Variants in RAI1 observed in about 807,000 individuals in gnomAD.
The protein encoded by RAI1 is retinoic acid-induced protein 1.
A neutral mutation model predicts 123.8 loss-of-function variants in RAI1; 9 were observed. That is an observed-to-expected ratio of 0.07 (90% CI 0.04 to 0.13). RAI1 has a LOEUF of 0.13. Among genes scored for constraint, RAI1 ranks in the 10% least tolerant of loss-of-function variants. The pLI, the probability that RAI1 is intolerant of heterozygous loss-of-function variation, is 1.00. For synonymous variants in RAI1, 1,231 were observed against 1,127.3 expected (o/e 1.09, Z -1.84); for missense variants, 2,256 against 2,545.8 (o/e 0.89, Z 2.45).
intron 4 of RAI1, among the ~76,000 whole-genome samples, chr17:17,808,075 A>C (rs1265363417): frequency 6.6e-6 from 1 of 152,154 alleles, no homozygotes; most frequent in Admixed American, 6.5e-5. Context: ...TGTTGGAGAG[A>C]GCACCAGCCT....
chr17:17,683,011 C>T (rs948431560), intron 1 of RAI1, among the ~76,000 whole-genome samples: 4 of 152,150 alleles, frequency 2.6e-5, no homozygotes, highest in Non-Finnish European at 4.4e-5. Context: ...GCGGTTTCGG[C>T]GGGCCCGGAT....
At chr17:17,746,130 G>A (rs1413084663) in intron 2 of RAI1, among the ~76,000 whole-genome samples, 1 of 152,212 alleles carries the variant, frequency 6.6e-6, no homozygotes, top group East Asian at 1.9e-4. Context: ...AACGGCAGCC[G>A]GCGGGGCCTT....
intron 4 of RAI1, among the ~76,000 whole-genome samples, chr17:17,807,901 G>A (rs187188339): frequency 2.9e-4 from 44 of 152,320 alleles, no homozygotes; most frequent in Middle Eastern, 3.4e-3. Flanking sequence ...TTCCAGGTCC[G>A]TGGCACTCCA....
At chr17:17,806,445 G>C (rs61066675) in intron 4 of RAI1, among the ~76,000 whole-genome samples, 3,505 of 152,320 alleles carry the variant, frequency 0.023, 150 homozygotes, top group African/African-American at 0.08. Flanking sequence ...CATGGGACTT[G>C]ATGATGAGGG....
chr17:17,686,166 A>G (rs779737694), intron 1 of RAI1, among the ~76,000 whole-genome samples: 3 of 152,238 alleles, frequency 2.0e-5, no homozygotes, highest in Non-Finnish European at 4.4e-5. Context: ...ACGCTCAGAA[A>G]TGCTTCCTGG....
chr17:17,688,595 T>C (rs1452701517), intron 1 of RAI1, among the ~76,000 whole-genome samples: 1 of 152,040 alleles, frequency 6.6e-6, no homozygotes. Flanking sequence ...TTGTTTTTTG[T>C]TTTGTTTGTT....
At chr17:17,785,901 A>G (rs1034699624) in intron 2 of RAI1, among the ~76,000 whole-genome samples, 1 of 152,204 alleles carries the variant, frequency 6.6e-6, no homozygotes, top group Non-Finnish European at 1.5e-5. Context: ...GGAGCTTGTG[A>G]TCAAATTCAG....
rs947584412 is a variant in RAI1 at position 17,809,632 on chromosome 17, G to GCGC, written c.5709+205_5709+207dup. Among the ~76,000 whole-genome samples the GCGC allele has an allele frequency of 2.6e-4, 40 of 152,098 alleles. No individual in the cohort carries two copies. The highest frequency in any genetic ancestry group is 5.2e-4 in the Non-Finnish European group (35 of 67,948). ...CCAGCTCAGGTCCCTGTCCACTTGCGCGCCGCCGCCGCCGAAAACCCGCAG... is the reference window on the plus strand; with the variant it reads ...CCAGCTCAGGTCCCTGTCCACTTGCGCGCCGCCGCCGCCGCCGAAAACCCGCAG... On this transcript the variant is annotated intron_variant, in intron 5 of 5. Transcript: ENST00000353383. This position sits in a 1 kb window ranked among gnomAD's most constrained non-coding sequence, Gnocchi z 4.9.
intron 2 of RAI1, among the ~76,000 whole-genome samples, chr17:17,737,975 C>T (rs533029641): frequency 4.1e-4 from 62 of 152,222 alleles, no homozygotes; most frequent in African/African-American, 1.5e-3. Flanking sequence ...GGGCGCCCCC[C>T]ACCCTGGCCC....
At position 17,706,370 on chromosome 17, in the gene RAI1, C is replaced by G. The variant is rs779915671; in HGVS notation, c.-148-17658C>G. ...TCCCTGGGTCATGGGGTGTGCAGTG[C>G]TCTGCACTGAATGATGAGAGGGCAT... On this transcript the variant is annotated intron_variant, in intron 1 of 5. Coordinates refer to ENST00000353383, the MANE Select transcript of RAI1 (RefSeq NM_030665.4). 4.7e-4 allele frequency among the ~76,000 whole-genome samples: 71 copies of G among 152,172 alleles called. 1 individual carries two copies. Among genetic ancestry groups the G allele is most frequent in the Non-Finnish European group, 4.9e-4 (33 of 68,020 alleles).
rs760757169 is a variant in RAI1, at chr17:17,796,638, G to A, written c.3690G>A (p.Ala1230=). 6 of 1,611,806 alleles carry A rather than the reference G, an allele frequency of 3.7e-6. No homozygotes were observed. The South Asian group carries it at 4.4e-5, about 12-fold the overall frequency. The part of the protein sequence containing the change: ...HALKRKSAFM[A]PVPTKKRNLV... ...TCAAAAGGAAGTCGGCCTTCATGGC[G>A]CCGGTCCCCACCAAGAAGCGGAACC... Residue 1230 remains alanine (A), a synonymous_variant, in exon 3 of 6, where the codon GCG becomes GCA. Coordinates refer to ENST00000353383, the MANE Select transcript of RAI1 (RefSeq NM_030665.4). This position sits in a 1 kb window ranked among gnomAD's most constrained non-coding sequence, Gnocchi z 5.8.
At chr17:17,712,206 G>A (rs1271683583) in intron 1 of RAI1, among the ~76,000 whole-genome samples, 1 of 152,206 alleles carries the variant, frequency 6.6e-6, no homozygotes, top group African/African-American at 2.4e-5. Flanking sequence ...GCTAGGTGCC[G>A]GGGCTCTATC....
chr17:17,696,649 T>C (rs1319786799), intron 1 of RAI1, among the ~76,000 whole-genome samples: 1 of 152,218 alleles, frequency 6.6e-6, no homozygotes, highest in Non-Finnish European at 1.5e-5. Context: ...GACAGAGCCC[T>C]TCTCCATTGC....
chr17:17,731,247 T>A (rs2142948540), intron 2 of RAI1, among the ~76,000 whole-genome samples: 1 of 152,340 alleles, frequency 6.6e-6, no homozygotes, highest in Middle Eastern at 3.4e-3. Context: ...GTTTACAGGC[T>A]GTGTTTCATT....
At chr17:17,735,511 G>T (rs1312678130) in intron 2 of RAI1, among the ~76,000 whole-genome samples, 1 of 151,014 alleles carries the variant, frequency 6.6e-6, no homozygotes, top group Non-Finnish European at 1.5e-5. Context: ...GCGCCACCAC[G>T]CCCGGCTGAT....
chr17:17,697,141 C>T (rs954388255), intron 1 of RAI1, among the ~76,000 whole-genome samples: 6 of 152,254 alleles, frequency 3.9e-5, no homozygotes, highest in Non-Finnish European at 8.8e-5. Flanking sequence ...CATCCAAGCC[C>T]TGCGTGAAAC....
intron 1 of RAI1, among the ~76,000 whole-genome samples, chr17:17,691,514 T>C (rs1054731277): frequency 2.0e-5 from 3 of 152,254 alleles, no homozygotes; most frequent in Admixed American, 6.5e-5. Context: ...CGAGCCCTTC[T>C]ACTCTTTTAA....
chr17:17,689,158 A>T (rs536794845), intron 1 of RAI1, among the ~76,000 whole-genome samples: 1 of 151,408 alleles, frequency 6.6e-6, no homozygotes, highest in East Asian at 2.0e-4. Flanking sequence ...GTGTTTCACC[A>T]TGTTGGCCAG....
Position 17,810,762 on chromosome 17 carries a change from T to C in RAI1, c.*781T>C. Reference sequence around the variant, plus strand: ...TCCACCCCACCCCTGGAGCCCAGCCTGGGAGCGCAAAACCCAAGAAGCGGC... The same window carrying C: ...TCCACCCCACCCCTGGAGCCCAGCCCGGGAGCGCAAAACCCAAGAAGCGGC... On this transcript the variant is annotated 3_prime_UTR_variant, in exon 6 of 6. Coordinates refer to ENST00000353383, the MANE Select transcript of RAI1 (RefSeq NM_030665.4). The surrounding 1 kb of genome is among the most constrained non-coding windows in gnomAD (Gnocchi z 4.6). 1 of 452,064 alleles carries C rather than the reference T, an allele frequency of 2.2e-6. No individual in the cohort carries two copies. 28.0% of individuals were successfully genotyped at this position (452,064 alleles called of 1,614,324 possible). A position where few individuals can be genotyped will look rare whatever the true frequency, so the allele number is the denominator to read the frequency against.
Sources: gnomAD v4.1 joint callset for allele counts (sites outside exome capture counted in the v4.1 genomes callset) on GRCh38, gnomAD v4.1.1 for gene constraint, Gnocchi (gnomAD v3.1) non-coding constraint, MANE v1.5 for transcripts, NCBI Gene and HGNC (gene_info 2026-07-23, HGNC 2026-07-21) for gene names.